The following SKAP1 variants were observed in gnomAD, a reference collection of about 807,000 sequenced individuals.
SKAP1 encodes the protein src kinase associated phosphoprotein 1.
Under a neutral mutation model 58.5 loss-of-function variants are expected in SKAP1, and 44 were observed. The ratio of observed to expected loss-of-function variants is 0.75; its 90% CI spans 0.59 to 0.97. SKAP1 has a LOEUF of 0.97. SKAP1 is among the 50% of genes least tolerant of loss of function. The pLI, the probability that SKAP1 is intolerant of heterozygous loss-of-function variation, is 0.00. For missense variants in SKAP1, 390 were observed against 435.2 expected (o/e 0.90, Z 0.92); for synonymous variants, 127 against 149.7 (o/e 0.85, Z 1.11).
intron 4 of SKAP1, among the ~76,000 whole-genome samples, chr17:48,287,145 T>C (rs1425771570): frequency 6.9e-6 from 1 of 144,578 alleles, no homozygotes; most frequent in Admixed American, 7.2e-5. Context: ...AAAATAAAAA[T>C]CATCTAGATA....
At chr17:48,302,312 ATT>A (rs67046133) in intron 4 of SKAP1, among the ~76,000 whole-genome samples, 2 of 150,976 alleles carry the variant, frequency 1.3e-5, no homozygotes, top group Non-Finnish European at 3.0e-5. Context: ...AATAAATATG[ATT>A]TTTTTTTTCT....
intron 4 of SKAP1, among the ~76,000 whole-genome samples, chr17:48,271,366 T>G (rs929482788): frequency 7.0e-6 from 1 of 142,550 alleles, no homozygotes; most frequent in Admixed American, 6.9e-5. Flanking sequence ...TTGTTTCTTT[T>G]TTTTTTTTTT....
chr17:48,241,832 A>G (rs2065246594), intron 4 of SKAP1, among the ~76,000 whole-genome samples: 1 of 152,108 alleles, frequency 6.6e-6, no homozygotes. Context: ...CCAAACTGGG[A>G]GTTTTTTCCA....
chr17:48,229,402 C>T (rs990397049), intron 4 of SKAP1, among the ~76,000 whole-genome samples: 1 of 151,988 alleles, frequency 6.6e-6, no homozygotes, highest in Non-Finnish European at 1.5e-5. Flanking sequence ...GGGCAGATCG[C>T]CTGAGGTCAG....
At chr17:48,139,284 C>T (rs1045232260) in intron 11 of SKAP1, among the ~76,000 whole-genome samples, 1 of 148,528 alleles carries the variant, frequency 6.7e-6, no homozygotes, top group East Asian at 2.0e-4. Flanking sequence ...TGGGTTCAAG[C>T]GATTCTTCTG....
chr17:48,182,482 T>A, intron 7 of SKAP1, 25 bp from the exon 8 acceptor site: 1 of 1,536,886 alleles, frequency 6.5e-7, no homozygotes, highest in Non-Finnish European at 9.0e-7. Context: ...GTGAATTAAT[T>A]TATCACTGTC....
chr17:48,181,466 G>A (rs375145470), intron 8 of SKAP1, among the ~76,000 whole-genome samples: 81 of 152,272 alleles, frequency 5.3e-4, no homozygotes, highest in African/African-American at 1.9e-3. Context: ...TATACGTGAC[G>A]CTGTTGGTAG....
chr17:48,350,073 C>G (rs1045998707), intron 3 of SKAP1, among the ~76,000 whole-genome samples: 1 of 152,046 alleles, frequency 6.6e-6, no homozygotes, highest in Non-Finnish European at 1.5e-5. Context: ...TGATGATGTT[C>G]CCCTTGTAAC....
chr17:48,424,643 C>T (rs2067835034), intron 1 of SKAP1, among the ~76,000 whole-genome samples: 2 of 151,930 alleles, frequency 1.3e-5, no homozygotes, highest in East Asian at 2.0e-4. Flanking sequence ...CTAAGAAAAC[C>T]CTCAGGAAAG....
intron 11 of SKAP1, among the ~76,000 whole-genome samples, chr17:48,154,950 C>T (rs2063953124): frequency 6.6e-6 from 1 of 151,356 alleles, no homozygotes; most frequent in Non-Finnish European, 1.5e-5. Context: ...ATCCCAGCTA[C>T]TAGGGAGGTT....
At chr17:48,346,047 GCATCCTTATAAAAGGATA>G (rs749298582) in intron 3 of SKAP1, 41 bp from the exon 4 acceptor site, 11 of 1,262,904 alleles carry the variant, frequency 8.7e-6, no homozygotes, top group African/African-American at 1.5e-5. Flanking sequence ...TAATCTTTGG[GCATCCTTATAAAAGGATA>G]CATCCTTATA....
At position 48,360,107 on chromosome 17, in the gene SKAP1, C is replaced by T. The variant is rs187809357; in HGVS notation, c.178+3682G>A. On this transcript the variant is annotated intron_variant, in intron 3 of 12. Transcript: ENST00000336915. ...AAGAGATTCCACTGGCCCATGTTTA[C>T]CACTACCACAAATGTAATGTGAGTG... Among the ~76,000 whole-genome samples, 78 of 152,190 alleles carry T rather than the reference C, an allele frequency of 5.1e-4. 1 individual carries two copies. Among genetic ancestry groups the T allele is most frequent in the African/African-American group, 1.3e-3 (56 of 41,532 alleles).
At chr17:48,249,636 G>A (rs779997909) in intron 4 of SKAP1, among the ~76,000 whole-genome samples, 21 of 151,696 alleles carry the variant, frequency 1.4e-4, no homozygotes, top group Admixed American at 3.9e-4. Context: ...ATCATGCCTC[G>A]GCACTCCAGG....
rs1462499807 is a variant in SKAP1, at chr17:48,170,710, T to C, written c.827-51A>G. ...GCAATTAGTGGTTCACAGTCTCATG[T>C]TCTTTTTTTTTTTTTTCGAGATAGA... On this transcript the variant is annotated intron_variant, in intron 9 of 12. Coordinates refer to ENST00000336915, the MANE Select transcript of SKAP1 (RefSeq NM_003726.4). 3 of 1,494,184 alleles carry C rather than the reference T, an allele frequency of 2.0e-6. No homozygotes were observed. The South Asian group carries it at 3.6e-5, about 18-fold the overall frequency. The allele number at this position is 1,494,184 out of a possible 1,614,324, so 92.6% of individuals were successfully genotyped here.
At chr17:48,175,943 C>T (rs2064283628) in intron 9 of SKAP1, among the ~76,000 whole-genome samples, 1 of 152,114 alleles carries the variant, frequency 6.6e-6, no homozygotes, top group African/African-American at 2.4e-5. Flanking sequence ...GTTGACTCTT[C>T]CCTGATGCTC....
At chr17:48,300,473 C>T (rs977168006) in intron 4 of SKAP1, among the ~76,000 whole-genome samples, 1 of 152,130 alleles carries the variant, frequency 6.6e-6, no homozygotes, top group African/African-American at 2.4e-5. Flanking sequence ...GAATGTGATA[C>T]TTCTTCAGGA....
chr17:48,420,996 A>G (rs2067786451), intron 1 of SKAP1, among the ~76,000 whole-genome samples: 1 of 152,186 alleles, frequency 6.6e-6, no homozygotes. Context: ...ACAACCCAGG[A>G]CAGACAGCAT....
At chr17:48,334,421 A>T (rs1372904582) in intron 4 of SKAP1, among the ~76,000 whole-genome samples, 3 of 151,990 alleles carry the variant, frequency 2.0e-5, no homozygotes, top group Non-Finnish European at 4.4e-5. Flanking sequence ...TATACCCAAG[A>T]ACAATCACAA....
chr17:48,245,864 ACTC>A (rs1238145680), intron 4 of SKAP1, among the ~76,000 whole-genome samples: 2 of 152,114 alleles, frequency 1.3e-5, no homozygotes, highest in Non-Finnish European at 2.9e-5. Flanking sequence ...AATCCCAGCT[ACTC>A]AAGAGGCTGA....
Sources: gnomAD v4.1 joint callset for allele counts (sites outside exome capture counted in the v4.1 genomes callset) on GRCh38, gnomAD v4.1.1 for gene constraint, MANE v1.5 for transcripts, NCBI Gene and HGNC (gene_info 2026-07-23, HGNC 2026-07-21) for gene names.